Variants in PALMD observed in about 807,000 individuals in gnomAD.
PALMD encodes the protein palmdelphin, also known as paralemmin-like protein.
In PALMD, 42 loss-of-function variants were observed where a neutral mutation model predicts 56.2. That is an observed-to-expected ratio of 0.75 (90% CI 0.58 to 0.97). The LOEUF is 0.97. Among genes scored for constraint, PALMD ranks in the 50% least tolerant of loss-of-function variants. The probability of loss-of-function intolerance (pLI) is 0.00; values close to 1 mark genes in which losing one functional copy is unlikely to be tolerated. For synonymous variants in PALMD, 242 were observed against 222.9 expected, an observed-to-expected ratio of 1.09 and a Z score of -0.76; for missense variants, 660 against 643.8, an observed-to-expected ratio of 1.03 and a Z score of -0.27.
intron 3 of PALMD, chr1:99,684,717 A>G (rs189132521): frequency 3.3e-5 from 5 of 152,192 alleles, no homozygotes; most frequent in Non-Finnish European, 7.4e-5. Flanking sequence ...AGGTCTCACT[A>G]TGTTGTCCAG....
Position 99,687,175 on chromosome 1 carries a change from A to C in PALMD, c.500A>C (p.Glu167Ala). ...KEINEEKEDDEQNRKALYAME... is the reference protein window; with the variant it reads ...KEINEEKEDDAQNRKALYAME... ...ATAAATGAAGAAAAAGAAGATGATG[A>C]ACAAAATAGGAAAGGTATATGAGAA... Residue 167 changes from glutamate to alanine, a missense_variant, in exon 6 of 8, where the codon GAA (glutamate) becomes GCA (alanine). Physicochemically the swap from Glu to Ala is moderately radical, Grantham distance 107. Transcript: ENST00000263174. 6.2e-7 allele frequency: 1 copy of C among 1,603,118 alleles called. No homozygotes were observed. Among genetic ancestry groups the C allele is most frequent in the African/African-American group, 1.3e-5 (1 of 74,546 alleles).
At chr1:99,654,963 T>C (rs905457111) in intron 1 of PALMD, among the ~76,000 whole-genome samples, 3 of 152,288 alleles carry the variant, frequency 2.0e-5, no homozygotes, top group African/African-American at 2.4e-5. Context: ...AATCAATACA[T>C]TTTTTATAAC....
At chr1:99,693,632 G>A (rs1007266003) in intron 7 of PALMD, among the ~76,000 whole-genome samples, 3 of 152,136 alleles carry the variant, frequency 2.0e-5, no homozygotes, top group African/African-American at 7.2e-5. Flanking sequence ...TCATGAAATA[G>A]AGTTTAAGTG....
At chr1:99,693,559 T>C (rs1653711134) in intron 7 of PALMD, among the ~76,000 whole-genome samples, 1 of 152,198 alleles carries the variant, frequency 6.6e-6, no homozygotes, top group Non-Finnish European at 1.5e-5. Flanking sequence ...TTTTTGTTAT[T>C]GTATATCCAA....
chr1:99,673,450 TA>T (rs1490564865), intron 3 of PALMD, among the ~76,000 whole-genome samples: 2 of 151,766 alleles, frequency 1.3e-5, no homozygotes. Context: ...AGCAGAGAGA[TA>T]GACAAGCTGC....
chr1:99,686,910 A>G lies in PALMD; in HGVS notation c.367-20A>G. 2.0e-6 allele frequency: 3 copies of G among 1,533,346 alleles called. No individual in the cohort carries two copies. Among genetic ancestry groups the G allele is most frequent in the Non-Finnish European group, 2.7e-6 (3 of 1,114,554 alleles). 95.0% of individuals were successfully genotyped at this position (1,533,346 alleles called of 1,614,324 possible). On this transcript the variant is annotated intron_variant, in intron 4 of 7. Coordinates refer to ENST00000263174, the MANE Select transcript of PALMD (RefSeq NM_017734.5). Reference sequence around the variant, plus strand: ...ATTTTTTAAACTGTATTAATCATGGAGAATTCTTTTTTCTTACAGTCTGTG... The same window carrying G: ...ATTTTTTAAACTGTATTAATCATGGGGAATTCTTTTTTCTTACAGTCTGTG...
chr1:99,649,242 C>A (rs1652512765), intron 1 of PALMD, among the ~76,000 whole-genome samples: 2 of 152,094 alleles, frequency 1.3e-5, no homozygotes, highest in African/African-American at 4.8e-5. Context: ...GTTCAGTTTT[C>A]AACTATAATT....
intron 1 of PALMD, among the ~76,000 whole-genome samples, chr1:99,652,527 C>G (rs1652610059): frequency 6.6e-6 from 1 of 151,838 alleles, no homozygotes. Flanking sequence ...TTGCTTGAAC[C>G]TGGGAGGCAG....
At chr1:99,682,569 T>C (rs1653367176) in intron 3 of PALMD, among the ~76,000 whole-genome samples, 2 of 152,264 alleles carry the variant, frequency 1.3e-5, no homozygotes, top group South Asian at 4.1e-4. Context: ...GGATGAATCA[T>C]ATGGCATTAC....
intron 3 of PALMD, among the ~76,000 whole-genome samples, chr1:99,673,501 A>G (rs979524305): frequency 6.6e-6 from 1 of 152,162 alleles, no homozygotes; most frequent in Non-Finnish European, 1.5e-5. Context: ...AGGCGAAAAA[A>G]AACTCTACCA....
At chr1:99,672,129 C>T (rs1571067818) in intron 3 of PALMD, among the ~76,000 whole-genome samples, 1 of 152,098 alleles carries the variant, frequency 6.6e-6, no homozygotes, top group Admixed American at 6.6e-5. Context: ...TTAAGTAAAG[C>T]ATATCTGCTT....
chr1:99,658,587 C>T (rs1652778601), intron 1 of PALMD, among the ~76,000 whole-genome samples: 1 of 151,722 alleles, frequency 6.6e-6, no homozygotes, highest in South Asian at 2.1e-4. Context: ...CTGACTAACA[C>T]AGTGAAACCC....
rs74903936 is a variant in PALMD at position 99,646,508 on chromosome 1, C to T, written c.45+146C>T. ...ACGAGTCTCTGTTTCTCTCTTAACC[C>T]TCATGACCCTCTGTAACTCTGGGGC... On this transcript the variant is annotated intron_variant, in intron 1 of 7. Transcript: ENST00000263174. 830 of 661,010 alleles carry T rather than the reference C, an allele frequency of 1.3e-3. 8 individuals are homozygous for T. In the African/African-American group the frequency reaches 0.013, roughly 11 times the overall value. 40.9% of individuals were successfully genotyped at this position (661,010 alleles called of 1,614,324 possible).
chr1:99,690,035 T>A, intron 7 of PALMD, 163 bp downstream of exon 7: 1 of 561,772 alleles, frequency 1.8e-6, no homozygotes, highest in Non-Finnish European at 3.0e-6. Flanking sequence ...CACAGTAAAG[T>A]GATTAAGTCA....
chr1:99,679,028 C>T (rs1448530984), intron 3 of PALMD, among the ~76,000 whole-genome samples: 4 of 151,874 alleles, frequency 2.6e-5, no homozygotes, highest in Non-Finnish European at 5.9e-5. Flanking sequence ...GGGTTTGGTC[C>T]TAGCACTTCC....
chr1:99,662,249 A>G (rs1652862769), intron 1 of PALMD, 70 bp from the exon 2 acceptor site: 1 of 822,128 alleles, frequency 1.2e-6, no homozygotes, highest in Non-Finnish European at 2.0e-6. Context: ...TCAGATAGTG[A>G]CAACAACCCC....
rs921838498 is a variant in PALMD at position 99,667,626 on chromosome 1, T to C, written c.127-16T>C. ...TGACCAATATAAGAACATATCTTTA[T>C]GTTTCCTGACATCAGAAAAAGGCCT... On this transcript the variant is annotated splice_polypyrimidine_tract_variant and intron_variant, in intron 2 of 7. Coordinates refer to ENST00000263174, the MANE Select transcript of PALMD (RefSeq NM_017734.5). 1.2e-6 allele frequency: 2 copies of C among 1,609,094 alleles called. No homozygotes were observed. The highest frequency in any genetic ancestry group is 1.1e-5 in the South Asian group (1 of 90,970).
chr1:99,667,562 T>C (rs1029156657), intron 2 of PALMD, 80 bp from the exon 3 acceptor site: 27 of 1,156,368 alleles, frequency 2.3e-5, no homozygotes, highest in Non-Finnish European at 3.5e-5. Flanking sequence ...CTATTGAAAT[T>C]CATAAGATTT....
Position 99,689,249 on chromosome 1 carries a change from G to T in PALMD, c.989G>T (p.Arg330Leu), listed in dbSNP as rs556174782. Residue 330 changes from arginine (R) to leucine (L), a missense_variant, in exon 7 of 8, where the codon CGA becomes CTA. By Grantham distance (102) the Arg-to-Leu change is moderately radical. Coordinates refer to ENST00000263174, the MANE Select transcript of PALMD (RefSeq NM_017734.5). ...CCCATTCCGCCAGTGCCTCATCCCC[G>T]ATCAGTGATTCAACAAGCAGAAGAG... ...ISPIPPVPHP[R>L]SVIQQAEEKL... 1 of 1,613,498 alleles carries T rather than the reference G, an allele frequency of 6.2e-7. No individual in the cohort carries two copies. Among genetic ancestry groups the T allele is most frequent in the Non-Finnish European group, 8.5e-7 (1 of 1,179,816 alleles).
Sources: allele counts gnomAD v4.1 joint callset (sites outside exome capture counted in the v4.1 genomes callset), GRCh38; gene constraint gnomAD v4.1.1; transcripts MANE v1.5; gene names NCBI Gene and HGNC (gene_info 2026-07-23, HGNC 2026-07-21).